The following CLRN3 variants were observed in gnomAD, a reference collection of about 807,000 sequenced individuals.
CLRN3 encodes the protein clarin-3.
CLRN3 carries 12 observed loss-of-function variants against 16.7 expected under a neutral mutation model. The ratio of observed to expected loss-of-function variants is 0.72; its 90% CI spans 0.46 to 1.16. CLRN3 has a LOEUF of 1.16. Ranked by LOEUF, CLRN3 falls within the 50% of genes most tolerant of loss-of-function variation. CLRN3 has a pLI of 0.00. For synonymous variants in CLRN3, 118 were observed against 113.0 expected (o/e 1.04, Z -0.28); for missense variants, 296 against 274.2 (o/e 1.08, Z -0.56).
In CLRN3 at chr10:127,890,173, G is replaced by T. The variant is rs186052580; in HGVS notation, c.229+2383C>A. On this transcript the variant is annotated intron_variant, in intron 1 of 2. Transcript: ENST00000368671. ...TGAGCCCCTTATACATGCAGCAGCT[G>T]CTCAGGGAAGTTTTTTTGAACAGAA... Among the ~76,000 whole-genome samples, 439 of 152,340 alleles carry T rather than the reference G, an allele frequency of 2.9e-3. 4 individuals carry two copies. The highest frequency in any genetic ancestry group is 0.01 in the African/African-American group (418 of 41,570).
intron 2 of CLRN3, among the ~76,000 whole-genome samples, chr10:127,882,990 A>G (rs1845147049): frequency 6.6e-6 from 1 of 152,158 alleles, no homozygotes. Flanking sequence ...AAACCCAGTG[A>G]AAGCCAGAAG....
At chr10:127,885,010 C>A (rs1845177291) in intron 1 of CLRN3, among the ~76,000 whole-genome samples, 1 of 152,240 alleles carries the variant, frequency 6.6e-6, no homozygotes, top group Non-Finnish European at 1.5e-5. Context: ...AAGTGAAAGG[C>A]TCTTTGTTTC....
chr10:127,888,921 A>G (rs958021526), intron 1 of CLRN3, among the ~76,000 whole-genome samples: 1 of 152,226 alleles, frequency 6.6e-6, no homozygotes, highest in East Asian at 1.9e-4. Context: ...TTTTTAAAAA[A>G]CGAGCAGGTC....
chr10:127,880,917 C>T (rs1845120586), intron 2 of CLRN3, among the ~76,000 whole-genome samples: 3 of 152,180 alleles, frequency 2.0e-5, no homozygotes, highest in Non-Finnish European at 4.4e-5. Context: ...TAAGACATCT[C>T]TGTATACAAG....
chr10:127,883,569 G>C, intron 2 of CLRN3, 127 bp downstream of exon 2: 1 of 717,386 alleles, frequency 1.4e-6, no homozygotes, highest in South Asian at 1.6e-5. Flanking sequence ...TCAGCTCATG[G>C]GAGGTCCTCA....
chr10:127,880,782 C>T (rs1309989668), intron 2 of CLRN3, among the ~76,000 whole-genome samples: 2 of 152,258 alleles, frequency 1.3e-5, no homozygotes, highest in East Asian at 1.9e-4. Flanking sequence ...TACCCAACAT[C>T]TGCTGGCCAA....
chr10:127,885,697 C>T (rs1453723637), intron 1 of CLRN3, among the ~76,000 whole-genome samples: 1 of 152,208 alleles, frequency 6.6e-6, no homozygotes, highest in Non-Finnish European at 1.5e-5. Context: ...CCTCCTGCCT[C>T]AGCCTCCGGA....
chr10:127,892,478 G>C, intron 1 of CLRN3, 78 bp downstream of exon 1: 1 of 838,510 alleles, frequency 1.2e-6, no homozygotes, highest in Non-Finnish European at 2.0e-6. Context: ...TTTTTGAATG[G>C]TTATTTGGCC....
chr10:127,884,003 A>G, intron 1 of CLRN3, 128 bp from the exon 2 acceptor site: 1 of 834,948 alleles, frequency 1.2e-6, no homozygotes, highest in Non-Finnish European at 2.0e-6. Flanking sequence ...AGATACCAGG[A>G]GCCTCCAACC....
chr10:127,891,953 T>C (rs1248341484), intron 1 of CLRN3, among the ~76,000 whole-genome samples: 1 of 152,186 alleles, frequency 6.6e-6, no homozygotes, highest in Non-Finnish European at 1.5e-5. Context: ...AATGAACTTT[T>C]AATTTTACTT....
At chr10:127,889,601 G>T (rs1317289774) in intron 1 of CLRN3, among the ~76,000 whole-genome samples, 1 of 152,158 alleles carries the variant, frequency 6.6e-6, no homozygotes, top group African/African-American at 2.4e-5. Context: ...TCCAGTCTGG[G>T]TGTGAAGCAG....
chr10:127,881,961 G>A (rs939502359), intron 2 of CLRN3, among the ~76,000 whole-genome samples: 5 of 152,198 alleles, frequency 3.3e-5, no homozygotes, highest in African/African-American at 1.2e-4. Flanking sequence ...TACTTTCTTA[G>A]TTGCATGAGC....
At position 127,878,017 on chromosome 10, in the gene CLRN3, A is replaced by G; in HGVS notation, c.*132T>C. 8.9e-7 allele frequency: 1 copy of G among 1,127,542 alleles called. No individual in the cohort carries two copies. The allele number at this position is 1,127,542 out of a possible 1,614,324, so 69.8% of individuals were successfully genotyped here. On this transcript the variant is annotated 3_prime_UTR_variant, in exon 3 of 3. Transcript: ENST00000368671. ...GGAGTACAGCATCAATGAAGAACAC[A>G]GTGTCATGAAACACAAATGCTGTCA...
At chr10:127,885,374 C>G (rs1446605928) in intron 1 of CLRN3, among the ~76,000 whole-genome samples, 1 of 152,160 alleles carries the variant, frequency 6.6e-6, no homozygotes, top group African/African-American at 2.4e-5. Flanking sequence ...ACCCAGGGGT[C>G]CTAATTCTCC....
At chr10:127,884,412 G>C (rs943625162) in intron 1 of CLRN3, among the ~76,000 whole-genome samples, 1 of 152,240 alleles carries the variant, frequency 6.6e-6, no homozygotes, top group African/African-American at 2.4e-5. Flanking sequence ...CAGGAAAGTG[G>C]AAGCTGAAGG....
intron 1 of CLRN3, among the ~76,000 whole-genome samples, chr10:127,887,104 A>G (rs1296796217): frequency 1.3e-5 from 2 of 152,126 alleles, no homozygotes; most frequent in Non-Finnish European, 2.9e-5. Context: ...TAATATTGCT[A>G]CAATTTAGCA....
At position 127,892,572 on chromosome 10, in the gene CLRN3, TG is replaced by T; in HGVS notation, c.212del (p.Pro71GlnfsTer8). ...ATCATTTACCTGCAAACTTTTTCTT[TG>T]GTTCTGCAAGTCCGTGACTCAATTC... ...SEELSHGLAE[P>X]KKKFAVLEIL... On this transcript the variant is annotated frameshift_variant, in exon 1 of 3. Coordinates refer to ENST00000368671, the MANE Select transcript of CLRN3 (RefSeq NM_152311.5). LOFTEE classifies it high-confidence loss of function. 6.3e-7 allele frequency: 1 copy of T among 1,590,586 alleles called. No homozygotes were observed.
At chr10:127,890,680 T>C (rs1170586757) in intron 1 of CLRN3, among the ~76,000 whole-genome samples, 1 of 152,050 alleles carries the variant, frequency 6.6e-6, no homozygotes, top group Non-Finnish European at 1.5e-5. Flanking sequence ...GTTTCTGATT[T>C]GAAAAAAGCC....
rs770839663 is a variant in CLRN3 at position 127,883,921 on chromosome 10, G to C, written c.230-46C>G. ...TGCATAGCACATAATGCAAACACCA[G>C]CTCTGGCCTGGCATTCCTCCCCACC... On this transcript the variant is annotated intron_variant, in intron 1 of 2. Transcript: ENST00000368671. 6 of 1,567,234 alleles carry C rather than the reference G, an allele frequency of 3.8e-6. No homozygotes were observed. In the African/African-American group the frequency reaches 5.4e-5, roughly 14 times the overall value.
Sources: gnomAD v4.1 joint callset for allele counts (sites outside exome capture counted in the v4.1 genomes callset) on GRCh38, gnomAD v4.1.1 for gene constraint, MANE v1.5 for transcripts, NCBI Gene and HGNC (gene_info 2026-07-23, HGNC 2026-07-21) for gene names.